Variants in HYCC1 observed in about 807,000 individuals in gnomAD.
The protein encoded by HYCC1 is hyccin.
chr7:22,902,207 A>G, the HYCC1 span, among the ~76,000 whole-genome samples: 4 of 152,138 alleles, frequency 2.6e-5, no homozygotes, highest in Admixed American at 2.0e-4. Flanking sequence ...TCAGAAGGAA[A>G]TTTAGAAATT....
chr7:22,946,047 T>C, the HYCC1 span: 1 of 1,613,768 alleles, frequency 6.2e-7, no homozygotes, highest in Non-Finnish European at 8.5e-7. Flanking sequence ...TTACTACAAT[T>C]GTGACTACTG....
At chr7:22,926,098 G>A in the HYCC1 span, among the ~76,000 whole-genome samples, 1 of 152,224 alleles carries the variant, frequency 6.6e-6, no homozygotes, top group South Asian at 2.1e-4. Flanking sequence ...CATAAGTGAA[G>A]GAGAAACAAA....
At chr7:22,904,089 T>A in the HYCC1 span, among the ~76,000 whole-genome samples, 19 of 152,258 alleles carry the variant, frequency 1.2e-4, 1 homozygote, top group African/African-American at 4.6e-4. Context: ...ATCAAAAATG[T>A]AGAAATTATC....
At chr7:22,902,687 A>G in the HYCC1 span, among the ~76,000 whole-genome samples, 1 of 152,240 alleles carries the variant, frequency 6.6e-6, no homozygotes, top group Non-Finnish European at 1.5e-5. Context: ...TTTTCAACAA[A>G]TGGTGCTGGA....
At chr7:22,993,880 C>T in the HYCC1 span, among the ~76,000 whole-genome samples, 5 of 152,266 alleles carry the variant, frequency 3.3e-5, no homozygotes, top group Admixed American at 2.6e-4. Flanking sequence ...ATATACTCTA[C>T]GAACCCAGAA....
At chr7:22,925,496 T>C in the HYCC1 span, among the ~76,000 whole-genome samples, 50 of 152,082 alleles carry the variant, frequency 3.3e-4, no homozygotes, top group Non-Finnish European at 6.3e-4. Flanking sequence ...AAGGACCTGA[T>C]GGAGCTGAAA....
the HYCC1 span, among the ~76,000 whole-genome samples, chr7:22,969,772 C>A: frequency 6.6e-6 from 1 of 152,178 alleles, no homozygotes; most frequent in Non-Finnish European, 1.5e-5. Flanking sequence ...GATCTACCCA[C>A]ATCGGCCTCC....
the HYCC1 span, among the ~76,000 whole-genome samples, chr7:22,908,476 T>C: frequency 3.9e-5 from 6 of 152,262 alleles, no homozygotes; most frequent in Non-Finnish European, 7.3e-5. Context: ...CCAGGCATTA[T>C]GTGGAGAGGT....
At chr7:22,916,462 C>G in the HYCC1 span, among the ~76,000 whole-genome samples, 14 of 152,154 alleles carry the variant, frequency 9.2e-5, no homozygotes, top group Non-Finnish European at 1.5e-4. Flanking sequence ...TCATCCCAAC[C>G]TTTTTCATTA....
At chr7:22,942,997 A>T in the HYCC1 span, 2 of 152,212 alleles carry the variant, frequency 1.3e-5, no homozygotes, top group Admixed American at 1.3e-4. Flanking sequence ...CATTTCACTG[A>T]GCAAGTCTTC....
At chr7:22,980,625 G>C in the HYCC1 span, among the ~76,000 whole-genome samples, 1 of 152,114 alleles carries the variant, frequency 6.6e-6, no homozygotes, top group Non-Finnish European at 1.5e-5. Flanking sequence ...GGTAAATTTA[G>C]AAGGAAAATC....
the HYCC1 span, among the ~76,000 whole-genome samples, chr7:23,009,969 A>G: frequency 6.6e-6 from 1 of 152,172 alleles, no homozygotes; most frequent in Non-Finnish European, 1.5e-5. Context: ...AGCAATAGTC[A>G]AACTGCTAAT....
At chr7:22,976,249 G>A in the HYCC1 span, 1 of 1,612,898 alleles carries the variant, frequency 6.2e-7, no homozygotes, top group South Asian at 1.1e-5. Context: ...AGAAACACTG[G>A]GCATGTAAGT....
At chr7:22,926,457 A>G in the HYCC1 span, among the ~76,000 whole-genome samples, 1 of 152,250 alleles carries the variant, frequency 6.6e-6, no homozygotes, top group Non-Finnish European at 1.5e-5. Flanking sequence ...GCAGAGACAC[A>G]TATAGGCTCA....
At chr7:22,922,140 GTTAATCTAACTTTATGAA>G in the HYCC1 span, among the ~76,000 whole-genome samples, 1 of 83,364 alleles carries the variant, frequency 1.2e-5, no homozygotes, top group African/African-American at 4.2e-5. Context: ...GAATAATAAA[GTTAATCTAACTTTATGAA>G]TAATAAAGTT....
chr7:22,968,319 C>T, the HYCC1 span, among the ~76,000 whole-genome samples: 1 of 152,104 alleles, frequency 6.6e-6, no homozygotes, highest in African/African-American at 2.4e-5. Flanking sequence ...TCCCTTTCTC[C>T]CCACTTGCAG....
At chr7:22,924,734 T>G in the HYCC1 span, among the ~76,000 whole-genome samples, 1 of 152,236 alleles carries the variant, frequency 6.6e-6, no homozygotes, top group African/African-American at 2.4e-5. Context: ...CCTGCCTGCC[T>G]CTGTAGGCTC....
chr7:23,013,288 G>T, the HYCC1 span, among the ~76,000 whole-genome samples: 1 of 152,226 alleles, frequency 6.6e-6, no homozygotes, highest in Admixed American at 6.5e-5. Flanking sequence ...GATCTTCAGC[G>T]AAATAACCAA....
chr7:22,989,424 T>A, the HYCC1 span, among the ~76,000 whole-genome samples: 1 of 152,150 alleles, frequency 6.6e-6, no homozygotes, highest in African/African-American at 2.4e-5. Context: ...CATAGCTCAC[T>A]GCAACTTTGA....
Sources: gnomAD v4.1 joint callset for allele counts (sites outside exome capture counted in the v4.1 genomes callset) on GRCh38, gnomAD v4.1.1 for gene constraint, MANE v1.5 for transcripts, NCBI Gene and HGNC (gene_info 2026-07-23, HGNC 2026-07-21) for gene names.